Variants in MPHOSPH6 observed in about 807,000 individuals in gnomAD.
The protein encoded by MPHOSPH6 is M-phase phosphoprotein 6.
A neutral mutation model predicts 21.8 loss-of-function variants in MPHOSPH6; 25 were observed. The observed-to-expected ratio is 1.15, with a 90% confidence interval of 0.83 to 1.60. The LOEUF is 1.60. Among genes scored for constraint, MPHOSPH6 ranks in the 40% most tolerant of loss-of-function variants. The pLI, the probability that MPHOSPH6 is intolerant of heterozygous loss-of-function variation, is 0.00. For synonymous variants in MPHOSPH6, 84 were observed against 56.5 expected, an observed-to-expected ratio of 1.49 and a Z score of -2.18; for missense variants, 269 against 181.8, an observed-to-expected ratio of 1.48 and a Z score of -2.76.
intron 4 of MPHOSPH6, 49 bp from the exon 5 acceptor site, chr16:82,148,912 G>A: frequency 1.0e-5 from 16 of 1,594,616 alleles, no homozygotes; most frequent in Non-Finnish European, 1.3e-5. Flanking sequence ...AAAAAGGTAG[G>A]GATCAAGCCT....
intron 1 of MPHOSPH6, among the ~76,000 whole-genome samples, chr16:82,166,839 C>T (rs1906797966): frequency 1.3e-5 from 2 of 152,136 alleles, no homozygotes; most frequent in South Asian, 4.2e-4. Flanking sequence ...TTTTGGTATA[C>T]AACAGCCATA....
chr16:82,159,229 G>C (rs141058155), intron 2 of MPHOSPH6, among the ~76,000 whole-genome samples: 1,896 of 152,294 alleles, frequency 0.012, 17 homozygotes, highest in Non-Finnish European at 0.018. Flanking sequence ...ATGTTAAAGA[G>C]ATTTGCAAAA....
intron 1 of MPHOSPH6, among the ~76,000 whole-genome samples, chr16:82,165,801 G>A (rs1009470781): frequency 2.2e-5 from 1 of 46,204 alleles, no homozygotes; most frequent in Non-Finnish European, 6.9e-5. Context: ...TTGCGTAGAT[G>A]AACCCTATGA....
chr16:82,151,605 G>A (rs765963888), intron 2 of MPHOSPH6, 91 bp from the exon 3 acceptor site: 8 of 1,405,248 alleles, frequency 5.7e-6, no homozygotes, highest in South Asian at 1.8e-5. Context: ...ATCAACCTAT[G>A]GTTCTCAGTA....
At position 82,148,465 on chromosome 16, in the gene MPHOSPH6, TA is replaced by T. The variant is rs199866689; in HGVS notation, c.*265del. 22 of 320,684 alleles carry T rather than the reference TA, an allele frequency of 6.9e-5. No individual in the cohort carries two copies. Among genetic ancestry groups the T allele is most frequent in the South Asian group, 1.2e-4 (1 of 8,498 alleles). 19.9% of individuals were successfully genotyped at this position (320,684 alleles called of 1,614,324 possible). ...GAACTATATTAAGAGAAACCTGAGG[TA>T]AAAAAAATCTTTAGGAAGCAGCCCT... On this transcript the variant is annotated 3_prime_UTR_variant, in exon 5 of 5. Coordinates refer to ENST00000258169, the MANE Select transcript of MPHOSPH6 (RefSeq NM_005792.2).
At position 82,165,191 on chromosome 16, in the gene MPHOSPH6, G is replaced by A. The variant is rs899014914; in HGVS notation, c.52-997C>T. Reference sequence around the variant, plus strand: ...CGCCCAGGCTGGAGTGTAGTGGCACGATCTCAGCTCACTGCAACCTCTGCC... The same window carrying A: ...CGCCCAGGCTGGAGTGTAGTGGCACAATCTCAGCTCACTGCAACCTCTGCC... On this transcript the variant is annotated intron_variant, in intron 1 of 4. Transcript: ENST00000258169. Among the ~76,000 whole-genome samples, 16 of 136,278 alleles carry A rather than the reference G, an allele frequency of 1.2e-4. No homozygotes were observed. The Admixed American group carries it at 1.2e-3, about 10-fold the overall frequency. The allele number at this position is 136,278 out of a possible 152,430, so 89.4% of individuals were successfully genotyped here. A position where few individuals can be genotyped will look rare whatever the true frequency, so the allele number is the denominator to read the frequency against.
At chr16:82,158,648 AT>A (rs1906510158) in intron 2 of MPHOSPH6, among the ~76,000 whole-genome samples, 1 of 152,128 alleles carries the variant, frequency 6.6e-6, no homozygotes, top group Admixed American at 6.5e-5. Flanking sequence ...TTTGGCAGAC[AT>A]TTTCTTGAAA....
Position 82,148,860 on chromosome 16 carries a change from A to T in MPHOSPH6, c.354T>A (p.Tyr118Ter). Residue 118 changes from tyrosine to a stop codon, truncating the protein, a stop_gained, in exon 5 of 5, where the codon TAT (tyrosine) becomes TAA (stop). Transcript: ENST00000258169. LOFTEE classifies it high-confidence loss of function. ...DVSDEEMARR[Y>*]ETLVGTIGKK... is the part of the protein sequence containing the mutation. ...TCCCAATTGTCCCCACCAAGGTCTCATATCTGTCAAGAGGACAGGCAGCAC... is the reference window on the plus strand; with the variant it reads ...TCCCAATTGTCCCCACCAAGGTCTCTTATCTGTCAAGAGGACAGGCAGCAC... 1.2e-6 allele frequency: 2 copies of T among 1,614,144 alleles called. No individual in the cohort carries two copies. The highest frequency in any genetic ancestry group is 1.1e-5 in the South Asian group (1 of 91,078).
chr16:82,157,883 A>G (rs1032139685), intron 2 of MPHOSPH6, among the ~76,000 whole-genome samples: 1 of 152,182 alleles, frequency 6.6e-6, no homozygotes, highest in Non-Finnish European at 1.5e-5. Flanking sequence ...AATGGAGACA[A>G]TGCAGAGTAG....
chr16:82,148,705 CT>C lies in MPHOSPH6; in HGVS notation c.*25del, dbSNP rs1172921072. 2 of 1,612,680 alleles carry C rather than the reference CT, an allele frequency of 1.2e-6. No individual in the cohort carries two copies. The highest frequency in any genetic ancestry group is 2.7e-5 in the African/African-American group (2 of 74,884). ...CCCTGCTGACTTCCACCAAGCACCC[CT>C]GGGCCATCGCTTAAGGCATCCATCT... On this transcript the variant is annotated 3_prime_UTR_variant, in exon 5 of 5. Transcript: ENST00000258169.
At chr16:82,149,663 T>C (rs1019512353) in intron 3 of MPHOSPH6, among the ~76,000 whole-genome samples, 1 of 152,240 alleles carries the variant, frequency 6.6e-6, no homozygotes, top group Admixed American at 6.5e-5. Flanking sequence ...AATCTTAGTA[T>C]TAGTTACTCA....
intron 1 of MPHOSPH6, 44 bp downstream of exon 1, chr16:82,170,081 G>T: frequency 6.4e-7 from 1 of 1,564,726 alleles, no homozygotes; most frequent in Non-Finnish European, 8.7e-7. Context: ...TGGAAGGACC[G>T]GGTGCCCCTA....
Position 82,164,065 on chromosome 16 carries a change from A to T in MPHOSPH6, c.164+17T>A. 6.5e-7 allele frequency: 1 copy of T among 1,543,828 alleles called. No homozygotes were observed. Among genetic ancestry groups the T allele is most frequent in the South Asian group, 1.1e-5 (1 of 87,882 alleles). Reference sequence around the variant, plus strand: ...GAATGCCACAAGCATCATCAGTATCAATTTTAATAAACCTACTCTTTCTCT... The same window carrying T: ...GAATGCCACAAGCATCATCAGTATCTATTTTAATAAACCTACTCTTTCTCT... On this transcript the variant is annotated intron_variant, in intron 2 of 4. Transcript: ENST00000258169.
chr16:82,150,471 C>G (rs1906229454), intron 3 of MPHOSPH6, among the ~76,000 whole-genome samples: 1 of 152,074 alleles, frequency 6.6e-6, no homozygotes, highest in South Asian at 2.1e-4. Context: ...CCCACTCCGC[C>G]AAAAAAGAAA....
intron 2 of MPHOSPH6, among the ~76,000 whole-genome samples, chr16:82,158,389 C>T (rs1003635126): frequency 4.1e-5 from 6 of 146,438 alleles, no homozygotes; most frequent in African/African-American, 7.7e-5. Context: ...GTTCCAGCTA[C>T]ATTGGAGGCT....
chr16:82,162,741 C>T (rs1567615113), intron 2 of MPHOSPH6, among the ~76,000 whole-genome samples: 2 of 152,188 alleles, frequency 1.3e-5, no homozygotes, highest in South Asian at 2.1e-4. Context: ...CTGCCAACAT[C>T]CTGAGCTGAT....
chr16:82,168,740 G>A (rs1185101921), intron 1 of MPHOSPH6, among the ~76,000 whole-genome samples: 1 of 152,162 alleles, frequency 6.6e-6, no homozygotes. Flanking sequence ...TCAAAGTGCT[G>A]GGACTACAGG....
At chr16:82,168,979 G>A (rs906334432) in intron 1 of MPHOSPH6, among the ~76,000 whole-genome samples, 2 of 152,136 alleles carry the variant, frequency 1.3e-5, no homozygotes, top group African/African-American at 4.8e-5. Flanking sequence ...GTGTAACTTT[G>A]GGTAAATTAC....
chr16:82,156,129 T>G (rs73591440), intron 2 of MPHOSPH6, among the ~76,000 whole-genome samples: 1 of 151,672 alleles, frequency 6.6e-6, no homozygotes, highest in Non-Finnish European at 1.5e-5. Context: ...AAAGAAAAAA[T>G]TGATAAAATA....
Sources: allele counts gnomAD v4.1 joint callset (sites outside exome capture counted in the v4.1 genomes callset), GRCh38; gene constraint gnomAD v4.1.1; transcripts MANE v1.5; gene names NCBI Gene and HGNC (gene_info 2026-07-23, HGNC 2026-07-21).